The following AHCTF1 variants were observed in gnomAD, a reference collection of about 807,000 sequenced individuals.
AHCTF1 encodes protein ELYS.
Under a neutral mutation model 248.4 loss-of-function variants are expected in AHCTF1, and 24 were observed. That is an observed-to-expected ratio of 0.10 (90% confidence interval 0.07 to 0.14). The LOEUF (loss-of-function observed/expected upper bound fraction) is 0.14, where lower values mean the gene tolerates loss of function less well. Ranked by LOEUF, AHCTF1 falls within the 10% of genes least tolerant of loss-of-function variation. The pLI, the probability that AHCTF1 is intolerant of heterozygous loss-of-function variation, is 1.00. For synonymous variants in AHCTF1, 786 were observed against 929.8 expected (o/e 0.85, Z 2.81); for missense variants, 2,206 against 2,636.2 (o/e 0.84, Z 3.57).
chr1:246,882,682 T>A (rs939692219), intron 21 of AHCTF1, among the ~76,000 whole-genome samples: 4 of 152,266 alleles, frequency 2.6e-5, no homozygotes, highest in African/African-American at 9.6e-5. Context: ...GGCTTTCTTG[T>A]ACATTTATGA....
rs529415955 is a variant in AHCTF1, at chr1:246,875,651, TG to T, written c.3088+385del. 2.3e-3 allele frequency among the ~76,000 whole-genome samples: 349 copies of T among 152,362 alleles called. 2 individuals carry two copies. Among genetic ancestry groups the T allele is most frequent in the Non-Finnish European group, 3.7e-3 (253 of 68,032 alleles). On this transcript the variant is annotated intron_variant, in intron 24 of 35. Coordinates refer to ENST00000648844, the MANE Select transcript of AHCTF1 (RefSeq NM_001323342.2). Reference sequence around the variant, plus strand: ...CCTCAACCTTCAGTAGTCACCATGCTGATCAGTCAGCAGCCATCAACATTGA... The same window carrying T: ...CCTCAACCTTCAGTAGTCACCATGCTATCAGTCAGCAGCCATCAACATTGA...
Position 246,885,598 on chromosome 1 carries a change from C to T in AHCTF1, c.2555G>A (p.Ser852Asn), listed in dbSNP as rs1663758773. 1.2e-6 allele frequency: 2 copies of T among 1,612,574 alleles called. No individual in the cohort carries two copies. The highest frequency in any genetic ancestry group is 1.1e-5 in the South Asian group (1 of 90,998). Reference sequence around the variant, plus strand: ...GAGGGCTTGTCTGTGCTCGCCCTGACTCATGAATGCCTGAATAATCTTTGA... The same window carrying T: ...GAGGGCTTGTCTGTGCTCGCCCTGATTCATGAATGCCTGAATAATCTTTGA... ...QHSKIIQAFM[S>N]QGEHRQALRY... Residue 852 changes from serine to asparagine, a missense_variant, in exon 21 of 36, where the codon AGT becomes AAT. Ser to Asn is a conservative substitution (Grantham distance 46, BLOSUM62 1). Coordinates refer to ENST00000648844, the MANE Select transcript of AHCTF1 (RefSeq NM_001323342.2).
chr1:246,840,644 C>T lies in AHCTF1; in HGVS notation c.*162G>A. 4.6e-6 allele frequency: 2 copies of T among 432,158 alleles called. No individual in the cohort carries two copies. Among genetic ancestry groups the T allele is most frequent in the East Asian group, 3.9e-5 (1 of 25,340 alleles). The allele number at this position is 432,158 out of a possible 1,614,324, so 26.8% of individuals were successfully genotyped here. On this transcript the variant is annotated 3_prime_UTR_variant, in exon 36 of 36. Coordinates refer to ENST00000648844, the MANE Select transcript of AHCTF1 (RefSeq NM_001323342.2). ...AATAGAAAAATTGCCTGGACTGAAA[C>T]AATCACTCCATATGGAGTTACTTTA...
At chr1:246,844,010 T>C (rs1572350188) in intron 33 of AHCTF1, 82 bp from the exon 34 acceptor site, 2 of 1,029,422 alleles carry the variant, frequency 1.9e-6, no homozygotes, top group East Asian at 6.5e-5. Context: ...TGGAACAAAT[T>C]ATGTGTTTTA....
chr1:246,917,044 T>C (rs1201124573), intron 2 of AHCTF1, among the ~76,000 whole-genome samples: 7 of 152,348 alleles, frequency 4.6e-5, no homozygotes, highest in East Asian at 1.9e-4. Context: ...TGTAAAGTCA[T>C]AGAGGTGACT....
chr1:246,891,795 T>C lies in AHCTF1; in HGVS notation c.1929A>G (p.Arg643=), dbSNP rs769396623. The C allele has an allele frequency of 6.2e-6, 10 of 1,611,386 alleles. No homozygotes were observed. In the South Asian group the frequency reaches 9.9e-5, roughly 16 times the overall value. Residue 643 remains arginine, a synonymous_variant, in exon 15 of 36, where the codon CGA becomes CGG. Coordinates refer to ENST00000648844, the MANE Select transcript of AHCTF1 (RefSeq NM_001323342.2). The part of the protein sequence containing the change: ...IVLSCFASEA[R]EITERGLIDL... ...AGAGCGTACCTCTCTCAGTGATCTC[T>C]CGGGCTTCTGATGCAAAACAGCTCA...
chr1:246,895,993 G>C (rs1478336593), intron 12 of AHCTF1, 68 bp from the exon 13 acceptor site: 1 of 1,343,942 alleles, frequency 7.4e-7, no homozygotes, highest in East Asian at 2.3e-5. Flanking sequence ...GGCAAGTTCT[G>C]GTTTAGAATT....
At chr1:246,905,490 C>CT (rs1243701313) in intron 6 of AHCTF1, 51 bp downstream of exon 6, 15 of 1,457,864 alleles carry the variant, frequency 1.0e-5, no homozygotes, top group African/African-American at 2.8e-5. Context: ...GAGCGAGACT[C>CT]TGTCTCCAAA....
chr1:246,869,698 T>C (rs758364897), intron 24 of AHCTF1, among the ~76,000 whole-genome samples: 1 of 151,908 alleles, frequency 6.6e-6, no homozygotes, highest in Non-Finnish European at 1.5e-5. Context: ...AAGCCTACTG[T>C]TGAGAACTGT....
At chr1:246,931,027 G>C in intron 1 of AHCTF1, 1 of 1,447,868 alleles carries the variant, frequency 6.9e-7, no homozygotes, top group Non-Finnish European at 9.2e-7. Context: ...AGCACCCCAA[G>C]ATGTGCTTTT....
In AHCTF1 at chr1:246,900,345, A is replaced by G. The variant is rs760902458; in HGVS notation, c.1242T>C (p.Asp414=). ...AAAAAAAAGAATCATACCTTAACGA[A>G]TCTGGCATTTGTGCATGATACCAAC... ...INRWYHAQMP[D]SLRSGEYLHN... The change falls in exon 9 of 36, where the codon GAT becomes GAC. Residue 414 remains aspartate (D), a synonymous_variant. Coordinates refer to ENST00000648844, the MANE Select transcript of AHCTF1 (RefSeq NM_001323342.2). The G allele has an allele frequency of 6.3e-7, 1 of 1,589,346 alleles. No homozygotes were observed. Among genetic ancestry groups the G allele is most frequent in the Admixed American group, 2.0e-5 (1 of 51,280 alleles).
chr1:246,843,546 CTG>C (rs1400249918), intron 34 of AHCTF1, among the ~76,000 whole-genome samples: 3 of 152,240 alleles, frequency 2.0e-5, no homozygotes, highest in Non-Finnish European at 4.4e-5. Context: ...GTAATTTAAA[CTG>C]TAACTGCTGG....
rs548875259 is a variant in AHCTF1, at chr1:246,868,994, G to A, written c.3089-1183C>T. Among the ~76,000 whole-genome samples the A allele has an allele frequency of 9.4e-3, 1,413 of 150,668 alleles. 12 individuals are homozygous for A. Among genetic ancestry groups the A allele is most frequent in the South Asian group, 0.016 (75 of 4,784 alleles). On this transcript the variant is annotated intron_variant, in intron 24 of 35. Coordinates refer to ENST00000648844, the MANE Select transcript of AHCTF1 (RefSeq NM_001323342.2). ...TGAGTAGCTGGGACTACAGGCGCCC[G>A]CCACCATGCCTGGCTAACTTTTTCT...
Position 246,860,993 on chromosome 1 carries a change from T to G in AHCTF1, c.4038A>C (p.Ala1346=). ...TASKPKSSST[A]LTTNVTEQTE... ...TTTGTTCAGTTACATTAGTAGTTAG[T>G]GCAGTGGAAGAGCTTTTGGGCTTAG... Residue 1346 remains alanine, a synonymous_variant, in exon 29 of 36, where the codon GCA becomes GCC. Transcript: ENST00000648844. The G allele has an allele frequency of 6.2e-7, 1 of 1,614,008 alleles. No homozygotes were observed. The highest frequency in any genetic ancestry group is 8.5e-7 in the Non-Finnish European group (1 of 1,179,876).
intron 34 of AHCTF1, among the ~76,000 whole-genome samples, chr1:246,843,325 T>C (rs897501914): frequency 1.3e-5 from 2 of 152,246 alleles, no homozygotes; most frequent in African/African-American, 2.4e-5. Context: ...AGTTGAACTG[T>C]AGGTGCCTGA....
chr1:246,902,674 C>A lies in AHCTF1; in HGVS notation c.968G>T (p.Gly323Val), dbSNP rs1665089627. ...CLASGQILYE[G>V]LEYCEERYTL... ...GTATCTTTCTTCACAGTATTCTAAC[C>A]CCTGTAACATAAAATACACGCAAAT... is the stretch of plus-strand genomic sequence containing the variant. Residue 323 changes from glycine (G) to valine (V), a missense_variant and splice_region_variant, in exon 8 of 36, where the codon GGG becomes GTG. Gly to Val is a moderately radical substitution (Grantham distance 109). This residue lies in a region of AHCTF1 where 650 missense variants were observed against 870.8 expected (regional missense o/e 0.75). Coordinates refer to ENST00000648844, the MANE Select transcript of AHCTF1 (RefSeq NM_001323342.2). 6.3e-7 allele frequency: 1 copy of A among 1,595,154 alleles called. No homozygotes were observed. The highest frequency in any genetic ancestry group is 1.3e-5 in the African/African-American group (1 of 74,474).
At chr1:246,890,455 C>T (rs1044487047) in intron 16 of AHCTF1, among the ~76,000 whole-genome samples, 3 of 152,074 alleles carry the variant, frequency 2.0e-5, no homozygotes, top group Non-Finnish European at 2.9e-5. Context: ...CCTGGAAATG[C>T]AAGAAGCTGA....
chr1:246,857,005 G>A (rs1285170141), intron 30 of AHCTF1, among the ~76,000 whole-genome samples: 4 of 152,158 alleles, frequency 2.6e-5, no homozygotes, highest in Non-Finnish European at 2.9e-5. Context: ...TCAAAAGTGC[G>A]GACATGCAAT....
chr1:246,842,712 T>TGC lies in AHCTF1; in HGVS notation c.6589_6590insGC (p.Lys2197SerfsTer21). 1 of 1,613,610 alleles carries TGC rather than the reference T, an allele frequency of 6.2e-7. No homozygotes were observed. The highest frequency in any genetic ancestry group is 8.5e-7 in the Non-Finnish European group (1 of 1,180,020). On this transcript the variant is annotated frameshift_variant, in exon 35 of 36. Transcript: ENST00000648844. LOFTEE classifies it low-confidence loss of function (END_TRUNC). ...GTCATACTTGCTTGCTTGTTTTGTT[T>TGC]TTGACGTCCTGATTCGTTTCGCTTT...
Sources: gnomAD v4.1 joint callset for allele counts (sites outside exome capture counted in the v4.1 genomes callset) on GRCh38, gnomAD v4.1.1 for gene constraint, gnomAD v4.1.1 regional missense constraint, MANE v1.5 for transcripts, NCBI Gene and HGNC (gene_info 2026-07-23, HGNC 2026-07-21) for gene names.